GTF3C1: variants seen among roughly 807,000 people sequenced by gnomAD.
GTF3C1 encodes the protein general transcription factor IIIC subunit 1, also known as general transcription factor 3C polypeptide 1.
In GTF3C1, 57 loss-of-function variants were observed where a neutral mutation model predicts 226.7. The observed-to-expected ratio is 0.25, with a 90% CI of 0.20 to 0.31. GTF3C1 has a LOEUF of 0.31. Among genes scored for constraint, GTF3C1 ranks in the 10% least tolerant of loss-of-function variants. The pLI is 1.00. For synonymous variants in GTF3C1, 1,090 were observed against 1,084.8 expected (o/e 1.00, Z -0.09); for missense variants, 2,217 against 2,776.1 (o/e 0.80, Z 4.53).
chr16:27,463,165 C>T lies in GTF3C1; in HGVS notation c.5924+376G>A, dbSNP rs566998548. On this transcript the variant is annotated intron_variant, in intron 35 of 36. Coordinates refer to ENST00000356183, the MANE Select transcript of GTF3C1 (RefSeq NM_001520.4). This position sits in a 1 kb window ranked among gnomAD's most constrained non-coding sequence, Gnocchi z 4.9. ...CTGTAACTCTGTGGCATGGTTGTCC[C>T]GGGGGCAGCTGGGCATTCAGGGCTT... 10 of 246,716 alleles carry T rather than the reference C, an allele frequency of 4.1e-5. No individual in the cohort carries two copies. Among genetic ancestry groups the T allele is most frequent in the African/African-American group, 1.6e-4 (7 of 43,812 alleles). 15.3% of individuals were successfully genotyped at this position (246,716 alleles called of 1,614,324 possible). A position where few individuals can be genotyped will look rare whatever the true frequency, so the allele number is the denominator to read the frequency against.
At chr16:27,540,121 T>A (rs2089060721) in intron 2 of GTF3C1, among the ~76,000 whole-genome samples, 1 of 152,174 alleles carries the variant, frequency 6.6e-6, no homozygotes, top group Non-Finnish European at 1.5e-5. Context: ...TTTCCTTCCC[T>A]CTTCCCCACA....
chr16:27,532,969 C>T (rs762090548), intron 5 of GTF3C1, among the ~76,000 whole-genome samples: 13 of 151,970 alleles, frequency 8.6e-5, no homozygotes, highest in African/African-American at 1.2e-4. Context: ...CTGTCTCTAA[C>T]AAAGATATGA....
rs573699596 is a variant in GTF3C1, at chr16:27,488,321, C to T, written c.3606G>A (p.Ser1202=). The T allele has an allele frequency of 2.3e-5, 37 of 1,614,168 alleles. No homozygotes were observed. In the Middle Eastern group the frequency reaches 6.6e-4, roughly 29 times the overall value. ...CCCTCACTCTCCGGTTTCGGTCCAG[C>T]GAGGGCTCTCGGTCCACCTCAAACT... ...EEQFEVDREP[S]LDRNRRVRGG... is the part of the protein sequence containing the mutation. Residue 1202 remains serine (S), a synonymous_variant, in exon 23 of 37, where the codon TCG becomes TCA. Coordinates refer to ENST00000356183, the MANE Select transcript of GTF3C1 (RefSeq NM_001520.4).
chr16:27,513,831 G>A (rs2088613384), intron 6 of GTF3C1, among the ~76,000 whole-genome samples: 1 of 152,202 alleles, frequency 6.6e-6, no homozygotes, highest in South Asian at 2.1e-4. Flanking sequence ...GCTACGGCAA[G>A]GAGTGGGCAC....
chr16:27,517,371 G>T lies in GTF3C1; in HGVS notation c.974-5470C>A, dbSNP rs547782459. ...TAAAGCCAAAAGCCACAGGGGCAGA[G>T]CAAGACCCGAATAAGCGCACGTCAT... On this transcript the variant is annotated intron_variant, in intron 6 of 36. Coordinates refer to ENST00000356183, the MANE Select transcript of GTF3C1 (RefSeq NM_001520.4). Among the ~76,000 whole-genome samples the T allele has an allele frequency of 2.0e-5, 3 of 152,202 alleles. No homozygotes were observed. In the East Asian group the frequency reaches 5.8e-4, roughly 29 times the overall value.
chr16:27,514,925 C>T (rs993367203), intron 6 of GTF3C1, among the ~76,000 whole-genome samples: 26 of 152,256 alleles, frequency 1.7e-4, no homozygotes, highest in Admixed American at 1.5e-3. Flanking sequence ...TGGCTTCTGC[C>T]TGAGCAGCAG....
At chr16:27,539,291 T>A (rs2089048630) in intron 2 of GTF3C1, among the ~76,000 whole-genome samples, 1 of 152,168 alleles carries the variant, frequency 6.6e-6, no homozygotes, top group African/African-American at 2.4e-5. Flanking sequence ...AATCATTAGT[T>A]CCTTCCTCTA....
In GTF3C1 at chr16:27,470,417, G is replaced by C; in HGVS notation, c.4527-22C>G. On this transcript the variant is annotated intron_variant, in intron 30 of 36. Coordinates refer to ENST00000356183, the MANE Select transcript of GTF3C1 (RefSeq NM_001520.4). This position sits in a 1 kb window ranked among gnomAD's most constrained non-coding sequence, Gnocchi z 4.9. ...AATCCTACAGACAAAAAGAAAGGAAGGGCCTGACTGAGGGCCAGCTGTGGG... is the reference window on the plus strand; with the variant it reads ...AATCCTACAGACAAAAAGAAAGGAACGGCCTGACTGAGGGCCAGCTGTGGG... 4.4e-6 allele frequency: 7 copies of C among 1,602,366 alleles called. No homozygotes were observed. Among genetic ancestry groups the C allele is most frequent in the Non-Finnish European group, 6.0e-6 (7 of 1,172,692 alleles).
At position 27,465,346 on chromosome 16, in the gene GTF3C1, T is replaced by A; in HGVS notation, c.5269A>T (p.Ile1757Phe). ...CGTCTGCGCAGCTCCTCCTTGTCAA[T>A]CCCAAAACAACCCGTGGCTATAATG... The part of the protein sequence containing the change: ...EAIIATGCFG[I>F]DKEELRRRFS... Residue 1757 changes from isoleucine (I) to phenylalanine (F), a missense_variant, in exon 33 of 37, where the codon ATT (isoleucine) becomes TTT (phenylalanine). By Grantham distance (21) the Ile-to-Phe change is conservative. Transcript: ENST00000356183. 6.2e-7 allele frequency: 1 copy of A among 1,614,060 alleles called. No homozygotes were observed. Among genetic ancestry groups the A allele is most frequent in the Admixed American group, 1.7e-5 (1 of 60,008 alleles).
At position 27,476,555 on chromosome 16, in the gene GTF3C1, G is replaced by A; in HGVS notation, c.4260-11C>T. 1 of 1,510,066 alleles carries A rather than the reference G, an allele frequency of 6.6e-7. No homozygotes were observed. The highest frequency in any genetic ancestry group is 9.2e-7 in the Non-Finnish European group (1 of 1,086,932). 93.5% of individuals were successfully genotyped at this position (1,510,066 alleles called of 1,614,324 possible). A position where few individuals can be genotyped will look rare whatever the true frequency, so the allele number is the denominator to read the frequency against. ...TGGATGTCATCCACGCTGAAAGAGA[G>A]GGGGCAGCAGGGCACCATGAGACCA... On this transcript the variant is annotated splice_polypyrimidine_tract_variant and intron_variant, in intron 28 of 36. Coordinates refer to ENST00000356183, the MANE Select transcript of GTF3C1 (RefSeq NM_001520.4).
intron 25 of GTF3C1, among the ~76,000 whole-genome samples, chr16:27,483,627 C>G (rs1313758710): frequency 6.6e-6 from 1 of 152,232 alleles, no homozygotes; most frequent in Non-Finnish European, 1.5e-5. Flanking sequence ...CTCCCGTCCA[C>G]CAGGCACTGC....
intron 25 of GTF3C1, among the ~76,000 whole-genome samples, chr16:27,483,622 G>A (rs780075259): frequency 4.6e-5 from 7 of 152,240 alleles, no homozygotes; most frequent in South Asian, 2.1e-4. Flanking sequence ...CTGGGCTCCC[G>A]TCCACCAGGC....
chr16:27,493,090 G>C (rs905449300), intron 17 of GTF3C1, 109 bp downstream of exon 17: 11 of 679,408 alleles, frequency 1.6e-5, no homozygotes, highest in African/African-American at 1.1e-4. Context: ...GTTTTTGCAA[G>C]CTGGAAGTTA....
At chr16:27,540,137 T>A (rs974829694) in intron 2 of GTF3C1, among the ~76,000 whole-genome samples, 2 of 152,212 alleles carry the variant, frequency 1.3e-5, no homozygotes, top group East Asian at 1.9e-4. Flanking sequence ...CCACACCAGA[T>A]GACTTTATTT....
intron 6 of GTF3C1, among the ~76,000 whole-genome samples, chr16:27,519,912 G>A (rs1423339673): frequency 6.6e-6 from 1 of 152,110 alleles, no homozygotes; most frequent in Admixed American, 6.5e-5. Flanking sequence ...TTCGCGACTG[G>A]CATGGACAAC....
chr16:27,537,807 TAGG>T lies in GTF3C1; in HGVS notation c.726_728del (p.Leu244del). ...ACCTGTCCACATGAAACCGGTTCAG[TAGG>T]AGGAGGATTGAGTGTTGCTGGGCTC... On this transcript the variant is annotated inframe_deletion, in exon 4 of 37. Transcript: ENST00000356183. 1 of 1,611,640 alleles carries T rather than the reference TAGG, an allele frequency of 6.2e-7. No homozygotes were observed. The highest frequency in any genetic ancestry group is 8.5e-7 in the Non-Finnish European group (1 of 1,177,946).
intron 2 of GTF3C1, among the ~76,000 whole-genome samples, chr16:27,539,211 C>G (rs1024824259): frequency 1.3e-5 from 2 of 152,146 alleles, no homozygotes; most frequent in African/African-American, 2.4e-5. Context: ...GTCAAAAGCA[C>G]TGAACGGTGC....
intron 5 of GTF3C1, among the ~76,000 whole-genome samples, chr16:27,532,037 G>A (rs2088924900): frequency 6.6e-6 from 1 of 152,202 alleles, no homozygotes; most frequent in South Asian, 2.1e-4. Context: ...TGGACTGCGG[G>A]GGACCCAGCT....
chr16:27,488,469 G>A (rs2088177647), intron 22 of GTF3C1, 54 bp from the exon 23 acceptor site: 3 of 1,560,160 alleles, frequency 1.9e-6, no homozygotes, highest in Admixed American at 1.7e-5. Flanking sequence ...CAAAGGCCAG[G>A]AAGACCAAAC....
Sources: allele counts gnomAD v4.1 joint callset (sites outside exome capture counted in the v4.1 genomes callset), GRCh38; gene constraint gnomAD v4.1.1; non-coding constraint Gnocchi (gnomAD v3.1); transcripts MANE v1.5; gene names NCBI Gene and HGNC (gene_info 2026-07-23, HGNC 2026-07-21).